The following ARHGAP19 variants were observed in gnomAD, a reference collection of about 807,000 sequenced individuals.
The protein encoded by ARHGAP19 is rho GTPase-activating protein 19.
Under a neutral mutation model 60.9 loss-of-function variants are expected in ARHGAP19, and 48 were observed. The observed-to-expected ratio is 0.79, with a 90% CI of 0.62 to 1.00. ARHGAP19 has a LOEUF of 1.00. Ranked by LOEUF, ARHGAP19 falls within the 50% of genes least tolerant of loss-of-function variation. ARHGAP19 has a pLI of 0.00. For missense variants in ARHGAP19, 562 were observed against 597.2 expected, an observed-to-expected ratio of 0.94 and a Z score of 0.61; for synonymous variants, 209 against 215.5, an observed-to-expected ratio of 0.97 and a Z score of 0.27.
In ARHGAP19 at chr10:97,225,229, C is replaced by A. The variant is rs989485166; in HGVS notation, c.*893G>T. 2.6e-5 allele frequency: 4 copies of A among 152,124 alleles called. No homozygotes were observed. The highest frequency in any genetic ancestry group is 5.9e-5 in the Non-Finnish European group (4 of 68,022). The allele number at this position is 152,124 out of a possible 1,614,324, so 9.4% of individuals were successfully genotyped here. On this transcript the variant is annotated 3_prime_UTR_variant, in exon 12 of 12. Transcript: ENST00000358531. ...ATGCTGTCAGTGACTTTCCTTGAGTCACAGTGATTTGGTTCAGAAGTATTA... is the reference window on the plus strand; with the variant it reads ...ATGCTGTCAGTGACTTTCCTTGAGTAACAGTGATTTGGTTCAGAAGTATTA...
chr10:97,265,616 C>T, intron 2 of ARHGAP19: 2 of 489,816 alleles, frequency 4.1e-6, no homozygotes, highest in Non-Finnish European at 7.1e-6. Flanking sequence ...CCGATGACTA[C>T]CTAAGTTAAT....
At chr10:97,253,379 CAAAA>C (rs551066347) in intron 6 of ARHGAP19, among the ~76,000 whole-genome samples, 1 of 82,422 alleles carries the variant, frequency 1.2e-5, no homozygotes, top group Non-Finnish European at 2.4e-5. Context: ...AACTCTATCT[CAAAA>C]AAAAAAAAAA....
chr10:97,257,663 C>A (rs1186863163), intron 5 of ARHGAP19, among the ~76,000 whole-genome samples: 2 of 152,122 alleles, frequency 1.3e-5, no homozygotes, highest in African/African-American at 4.8e-5. Flanking sequence ...TCTAAAATTC[C>A]TTCATTATAA....
At chr10:97,290,128 ACT>A (rs1254672995) in intron 1 of ARHGAP19, among the ~76,000 whole-genome samples, 1 of 151,924 alleles carries the variant, frequency 6.6e-6, no homozygotes, top group Non-Finnish European at 1.5e-5. Flanking sequence ...TTGTATGGGA[ACT>A]CTGTTTTCAC....
chr10:97,235,120 C>T (rs1851104781), intron 9 of ARHGAP19, 97 bp downstream of exon 9: 3 of 1,164,384 alleles, frequency 2.6e-6, no homozygotes, highest in Non-Finnish European at 3.7e-6. Flanking sequence ...TTTATAGGGT[C>T]CCCAAAAAAC....
chr10:97,230,012 G>A (rs969164355), intron 9 of ARHGAP19, 138 bp from the exon 10 acceptor site: 1 of 625,552 alleles, frequency 1.6e-6, no homozygotes, highest in African/African-American at 1.8e-5. Context: ...ACCCTCTCAG[G>A]CCATCTTATA....
rs1351630916 is a variant in ARHGAP19, at chr10:97,223,772, C to G, written c.*2350G>C. 1 of 152,214 alleles carries G rather than the reference C, an allele frequency of 6.6e-6. No individual in the cohort carries two copies. Among genetic ancestry groups the G allele is most frequent in the Non-Finnish European group, 1.5e-5 (1 of 68,040 alleles). The allele number at this position is 152,214 out of a possible 1,614,324, so 9.4% of individuals were successfully genotyped here. ...TGGCAAATGATAAAAGGGGTTTTCT[C>G]TGTGTTTTCCGTAAGATTCCACTGG... On this transcript the variant is annotated 3_prime_UTR_variant, in exon 12 of 12. Transcript: ENST00000358531.
chr10:97,284,019 A>T (rs191125540), intron 1 of ARHGAP19, among the ~76,000 whole-genome samples: 160 of 151,518 alleles, frequency 1.1e-3, no homozygotes, highest in African/African-American at 3.7e-3. Context: ...CTGCAGCCTT[A>T]AGCTCCTAGG....
chr10:97,270,537 T>C, intron 1 of ARHGAP19: 1 of 1,342,510 alleles, frequency 7.4e-7, no homozygotes, highest in South Asian at 1.4e-5. Context: ...CAAAAACAAC[T>C]TTCTACTCTA....
In ARHGAP19 at chr10:97,256,331, TG is replaced by T. The variant is rs1039274154; in HGVS notation, c.913del (p.Gln305ArgfsTer33). On this transcript the variant is annotated frameshift_variant, in exon 6 of 12. Coordinates refer to ENST00000358531, the MANE Select transcript of ARHGAP19 (RefSeq NM_032900.6). LOFTEE classifies it high-confidence loss of function. ...TCCCTTACCTACCTTAAAAAGTTTC[TG>T]GGAGTGTTTAATCATAAAAGCCATC... The part of the protein sequence containing the change: ...SGMAFMIKHS[Q>X]KLFKAPAYIR... 10 of 1,613,816 alleles carry T rather than the reference TG, an allele frequency of 6.2e-6. No homozygotes were observed. The highest frequency in any genetic ancestry group is 8.5e-6 in the Non-Finnish European group (10 of 1,179,822).
chr10:97,239,664 A>C (rs1338603732), intron 8 of ARHGAP19, among the ~76,000 whole-genome samples: 1 of 151,556 alleles, frequency 6.6e-6, no homozygotes, highest in Non-Finnish European at 1.5e-5. Flanking sequence ...ATTAGGGGAA[A>C]AAAAAGTAAA....
chr10:97,251,505 T>G (rs111218041), intron 6 of ARHGAP19, among the ~76,000 whole-genome samples: 4 of 34 alleles, frequency 0.12, 1 homozygote, highest in South Asian at 0.5. Flanking sequence ...AAAGGAAGGG[T>G]AAGGGGAGGG....
rs1328964678 is a variant in ARHGAP19 at position 97,265,709 on chromosome 10, A to G, written c.322+151T>C. On this transcript the variant is annotated intron_variant, in intron 2 of 11. Transcript: ENST00000358531. ...GACAGTTTTTATAATTTGTATTACTATTACTTAAGGTGTTACTACTTATAA... is the reference window on the plus strand; with the variant it reads ...GACAGTTTTTATAATTTGTATTACTGTTACTTAAGGTGTTACTACTTATAA... The G allele has an allele frequency of 6.2e-6, 5 of 804,920 alleles. No individual in the cohort carries two copies. The East Asian group carries it at 1.3e-4, about 21-fold the overall frequency. The allele number at this position is 804,920 out of a possible 1,614,324, so 49.9% of individuals were successfully genotyped here.
At chr10:97,274,625 T>C (rs1319785603) in intron 1 of ARHGAP19, among the ~76,000 whole-genome samples, 15 of 152,228 alleles carry the variant, frequency 9.9e-5, no homozygotes, top group Admixed American at 9.8e-4. Context: ...TATAAACTTG[T>C]ATGTATAATT....
At chr10:97,260,255 G>A (rs976984687) in intron 4 of ARHGAP19, among the ~76,000 whole-genome samples, 1 of 150,146 alleles carries the variant, frequency 6.7e-6, no homozygotes, top group African/African-American at 2.4e-5. Flanking sequence ...ATCAGGCCGG[G>A]CACAGTGGCT....
intron 1 of ARHGAP19, among the ~76,000 whole-genome samples, chr10:97,278,633 A>C (rs1181804443): frequency 6.6e-6 from 1 of 152,206 alleles, no homozygotes; most frequent in African/African-American, 2.4e-5. Context: ...TAATTTGTAT[A>C]ACCTACTCAC....
chr10:97,244,955 A>G (rs1244173415), intron 7 of ARHGAP19, among the ~76,000 whole-genome samples: 1 of 151,872 alleles, frequency 6.6e-6, no homozygotes, highest in Admixed American at 6.6e-5. Flanking sequence ...AAAGAAAGGA[A>G]AGTATGCTTG....
intron 7 of ARHGAP19, among the ~76,000 whole-genome samples, chr10:97,244,858 A>G (rs1842540024): frequency 6.6e-6 from 1 of 151,982 alleles, no homozygotes; most frequent in Non-Finnish European, 1.5e-5. Context: ...GCACTCAAAA[A>G]GTGCTTGTAA....
chr10:97,259,356 A>C (rs748390152), intron 5 of ARHGAP19, 46 bp downstream of exon 5: 2 of 1,465,698 alleles, frequency 1.4e-6, no homozygotes, highest in Non-Finnish European at 1.9e-6. Flanking sequence ...AATGAGGCCC[A>C]GCCCAAGAAA....
Sources: gnomAD v4.1 joint callset for allele counts (sites outside exome capture counted in the v4.1 genomes callset) on GRCh38, gnomAD v4.1.1 for gene constraint, MANE v1.5 for transcripts, NCBI Gene and HGNC (gene_info 2026-07-23, HGNC 2026-07-21) for gene names.